ZC3H12B: variants seen among roughly 807,000 people sequenced by gnomAD.
The protein encoded by ZC3H12B is probable ribonuclease ZC3H12B.
Under a neutral mutation model 43.9 loss-of-function variants are expected in ZC3H12B, and 7 were observed. That is an observed-to-expected ratio of 0.16 (90% CI 0.09 to 0.30). The LOEUF (loss-of-function observed/expected upper bound fraction) is 0.30. Ranked by LOEUF, ZC3H12B falls within the 10% of genes least tolerant of loss-of-function variation. The pLI, the probability that ZC3H12B is intolerant of heterozygous loss-of-function variation, is 1.00. For synonymous variants in ZC3H12B, 222 were observed against 241.7 expected (o/e 0.92, Z 0.76); for missense variants, 475 against 670.2 (o/e 0.71, Z 3.22).
chrX:65,354,222 A>G, the ZC3H12B span, among the ~76,000 whole-genome samples: 1 of 111,812 alleles, frequency 8.9e-6, no homozygotes, highest in Non-Finnish European at 1.9e-5. Context: ...GAGAGCTGGC[A>G]TCTGGCCGGT....
intron 3 of ZC3H12B, among the ~76,000 whole-genome samples, chrX:65,400,071 G>A (rs370932733): frequency 8.1e-5 from 9 of 110,721 alleles, no homozygotes; most frequent in African/African-American, 2.6e-4. Context: ...GATAGTTAGC[G>A]GGTACAAAAA....
At chrX:65,435,776 T>A in intron 3 of ZC3H12B, among the ~76,000 whole-genome samples, 1 of 111,533 alleles carries the variant, frequency 9.0e-6, no homozygotes, top group Middle Eastern at 4.6e-3. Flanking sequence ...AGTTCCACAG[T>A]ATACTGTATG....
chrX:65,335,234 A>G, the ZC3H12B span, among the ~76,000 whole-genome samples: 1 of 111,619 alleles, frequency 9.0e-6, no homozygotes, highest in Non-Finnish European at 1.9e-5. Flanking sequence ...GGATTTTTTC[A>G]AAATGGGGTC....
chrX:65,138,179 C>A, the ZC3H12B span, among the ~76,000 whole-genome samples: 2 of 112,284 alleles, frequency 1.8e-5, no homozygotes, highest in Non-Finnish European at 3.8e-5. Flanking sequence ...TAATAGATCT[C>A]TTGAACATAT....
the ZC3H12B span, among the ~76,000 whole-genome samples, chrX:65,249,173 G>C: frequency 3.6e-5 from 4 of 111,457 alleles, no homozygotes; most frequent in Non-Finnish European, 5.7e-5. Flanking sequence ...CATCTAGAAG[G>C]GGTTTTTCAA....
the ZC3H12B span, among the ~76,000 whole-genome samples, chrX:65,069,578 G>A: frequency 1.8e-5 from 2 of 111,012 alleles, no homozygotes; most frequent in Non-Finnish European, 1.9e-5. Context: ...TTTCCTCAAG[G>A]CCCTGGGGCT....
At chrX:65,337,547 G>T in the ZC3H12B span, among the ~76,000 whole-genome samples, 2 of 112,111 alleles carry the variant, frequency 1.8e-5, no homozygotes, top group Non-Finnish European at 3.8e-5. Flanking sequence ...GCGATTTGAG[G>T]TGATGGGCAT....
chrX:65,276,039 GAATT>G, the ZC3H12B span, among the ~76,000 whole-genome samples: 1 of 110,933 alleles, frequency 9.0e-6, no homozygotes, highest in Admixed American at 9.6e-5. Context: ...TTAATTCAAT[GAATT>G]AAGTAACAAA....
chrX:65,102,220 T>A, the ZC3H12B span, among the ~76,000 whole-genome samples: 1 of 111,833 alleles, frequency 8.9e-6, no homozygotes, highest in Non-Finnish European at 1.9e-5. Context: ...AACTAGGTAT[T>A]GATGGTATAT....
intron 2 of ZC3H12B, among the ~76,000 whole-genome samples, chrX:65,391,839 C>T (rs943136165): frequency 9.0e-5 from 10 of 111,400 alleles, no homozygotes; most frequent in African/African-American, 2.0e-4. Flanking sequence ...TGTAATGCCG[C>T]GATCTTGGCT....
chrX:65,387,098 G>C (rs943231512), intron 2 of ZC3H12B, among the ~76,000 whole-genome samples: 3 of 111,880 alleles, frequency 2.7e-5, no homozygotes, highest in Non-Finnish European at 5.6e-5. Context: ...AGTGCAGTGT[G>C]GTGCTGAGAA....
chrX:65,206,997 C>CA, the ZC3H12B span, among the ~76,000 whole-genome samples: 2,717 of 99,415 alleles, frequency 0.027, 30 homozygotes, highest in South Asian at 0.074. Context: ...ATCAAAAAAT[C>CA]AAAAAAAAAA....
chrX:65,330,732 G>A, the ZC3H12B span: 1 of 123,226 alleles, frequency 8.1e-6, no homozygotes, highest in Non-Finnish European at 1.7e-5. Flanking sequence ...TGTTGAACAA[G>A]CCTTGCATCC....
At chrX:65,134,827 TA>T in the ZC3H12B span, among the ~76,000 whole-genome samples, 1 of 110,821 alleles carries the variant, frequency 9.0e-6, no homozygotes, top group South Asian at 3.8e-4. Context: ...CAAAGGGAGT[TA>T]GGGGTGGGGC....
intron 2 of ZC3H12B, among the ~76,000 whole-genome samples, chrX:65,373,660 A>C (rs1313046430): frequency 4.2e-5 from 4 of 96,209 alleles, no homozygotes; most frequent in African/African-American, 1.5e-4. Flanking sequence ...CAAACACTGA[A>C]TGTTCTCACT....
chrX:65,424,968 G>A (rs1164747201), intron 3 of ZC3H12B, among the ~76,000 whole-genome samples: 1 of 111,488 alleles, frequency 9.0e-6, no homozygotes, highest in Non-Finnish European at 1.9e-5. Flanking sequence ...GGTTCCATAT[G>A]AATTTTAACA....
chrX:65,054,719 G>C, the ZC3H12B span, among the ~76,000 whole-genome samples: 1 of 111,723 alleles, frequency 9.0e-6, no homozygotes, highest in African/African-American at 3.3e-5. Context: ...CTATCCATGA[G>C]CATGGAATGT....
chrX:65,327,028 A>G, the ZC3H12B span, among the ~76,000 whole-genome samples: 1 of 111,587 alleles, frequency 9.0e-6, no homozygotes, highest in South Asian at 3.6e-4. Flanking sequence ...GTTGGGAGAA[A>G]TATAAATTAG....
At chrX:65,352,623 A>T in the ZC3H12B span, among the ~76,000 whole-genome samples, 1 of 111,301 alleles carries the variant, frequency 9.0e-6, no homozygotes, top group African/African-American at 3.3e-5. Flanking sequence ...TTATACATGC[A>T]TATGTTTTTA....
Sources: gnomAD v4.1 joint callset for allele counts (sites outside exome capture counted in the v4.1 genomes callset) on GRCh38, gnomAD v4.1.1 for gene constraint, MANE v1.5 for transcripts, NCBI Gene and HGNC (gene_info 2026-07-23, HGNC 2026-07-21) for gene names.